The following EYA4 variants were observed in gnomAD, a reference collection of about 807,000 sequenced individuals.
The protein encoded by EYA4 is protein phosphatase EYA4.
Under a neutral mutation model 87.9 loss-of-function variants are expected in EYA4, and 31 were observed. That is an observed-to-expected ratio of 0.35 (90% CI 0.27 to 0.48). The LOEUF (loss-of-function observed/expected upper bound fraction) is 0.48. EYA4 is among the 20% of genes least tolerant of loss of function. EYA4 has a pLI of 0.99. For missense variants in EYA4, 678 were observed against 761.4 expected, an observed-to-expected ratio of 0.89 and a Z score of 1.29; for synonymous variants, 263 against 270.6, an observed-to-expected ratio of 0.97 and a Z score of 0.28.
chr6:133,389,709 TC>T (rs1421203355), intron 3 of EYA4, among the ~76,000 whole-genome samples: 2 of 152,232 alleles, frequency 1.3e-5, no homozygotes, highest in Admixed American at 1.3e-4. Context: ...AATAATTCTC[TC>T]AGTTGTCCTG....
At chr6:133,397,530 G>A (rs531726027) in intron 3 of EYA4, among the ~76,000 whole-genome samples, 5 of 152,278 alleles carry the variant, frequency 3.3e-5, no homozygotes, top group Non-Finnish European at 5.9e-5. Context: ...GAGGAATATT[G>A]GGAATAGTTG....
intron 3 of EYA4, among the ~76,000 whole-genome samples, chr6:133,401,718 G>A (rs1294197134): frequency 6.6e-6 from 1 of 152,088 alleles, no homozygotes; most frequent in Non-Finnish European, 1.5e-5. Context: ...GGCATTATGT[G>A]TACTGTTTGA....
At chr6:133,284,342 T>G (rs865895672) in intron 2 of EYA4, among the ~76,000 whole-genome samples, 1 of 152,044 alleles carries the variant, frequency 6.6e-6, no homozygotes, top group Non-Finnish European at 1.5e-5. Flanking sequence ...ACAGGATAAT[T>G]TTTGTATTTT....
At chr6:133,253,042 T>C (rs1775050027) in intron 1 of EYA4, among the ~76,000 whole-genome samples, 1 of 151,998 alleles carries the variant, frequency 6.6e-6, no homozygotes, top group South Asian at 2.1e-4. Context: ...TTGAAATGTG[T>C]GCTTAGGTGG....
intron 1 of EYA4, among the ~76,000 whole-genome samples, chr6:133,267,959 G>A (rs1776362822): frequency 6.6e-6 from 1 of 152,034 alleles, no homozygotes; most frequent in Non-Finnish European, 1.5e-5. Flanking sequence ...ACTAGCAAAT[G>A]GTTGAGGACA....
At chr6:133,483,189 T>TA in intron 13 of EYA4, 74 bp downstream of exon 13, 1 of 1,130,572 alleles carries the variant, frequency 8.8e-7, no homozygotes, top group Non-Finnish European at 1.3e-6. Context: ...AAGGGCTATT[T>TA]AAAAATTCTT....
intron 14 of EYA4, among the ~76,000 whole-genome samples, chr6:133,508,415 ACTTTTGGGGTTAGTTTTT>A (rs1798837982): frequency 6.6e-6 from 1 of 152,102 alleles, no homozygotes; most frequent in African/African-American, 2.4e-5. Flanking sequence ...TACAGCGATA[ACTTTTGGGGTTAGTTTTT>A]CTGTTGATCA....
chr6:133,416,011 G>A (rs925055899), intron 3 of EYA4, among the ~76,000 whole-genome samples: 2 of 152,190 alleles, frequency 1.3e-5, no homozygotes, highest in African/African-American at 2.4e-5. Context: ...CAGGTAAAAA[G>A]AGGTAAGGTT....
chr6:133,310,596 A>G (rs150627801), intron 2 of EYA4, among the ~76,000 whole-genome samples: 4 of 152,324 alleles, frequency 2.6e-5, no homozygotes, highest in African/African-American at 9.6e-5. Context: ...GGACTTACGA[A>G]CTTGAATATG....
rs562649122 is a variant in EYA4 at position 133,369,343 on chromosome 6, A to G, written c.34-13049A>G. Among the ~76,000 whole-genome samples, 17 of 152,152 alleles carry G rather than the reference A, an allele frequency of 1.1e-4. No individual in the cohort carries two copies. The South Asian group carries it at 2.7e-3, about 24-fold the overall frequency. On this transcript the variant is annotated intron_variant, in intron 2 of 19. Transcript: ENST00000355286. ...TCTATTCTTGTTTCATTTTCATTTC[A>G]TTAGAAATTAATATATCCCTCTCTT...
rs1043682914 is a variant in EYA4 at position 133,350,372 on chromosome 6, C to T, written c.34-32020C>T. ...GACCTAAGTGCAATAAGTACATAAACAAAATGTTCTGATAGAGAATGCTGG... is the reference window on the plus strand; with the variant it reads ...GACCTAAGTGCAATAAGTACATAAATAAAATGTTCTGATAGAGAATGCTGG... On this transcript the variant is annotated intron_variant, in intron 2 of 19. Coordinates refer to ENST00000355286, the MANE Select transcript of EYA4 (RefSeq NM_004100.5). 7.2e-5 allele frequency among the ~76,000 whole-genome samples: 11 copies of T among 152,126 alleles called. No homozygotes were observed. In the East Asian group the frequency reaches 2.1e-3, roughly 29 times the overall value.
intron 1 of EYA4, among the ~76,000 whole-genome samples, chr6:133,242,988 C>T (rs1774089032): frequency 6.6e-6 from 1 of 152,138 alleles, no homozygotes; most frequent in South Asian, 2.1e-4. Flanking sequence ...AACCTGAGGG[C>T]AGGGGAGGAA....
chr6:133,345,409 G>T (rs976755739), intron 2 of EYA4, among the ~76,000 whole-genome samples: 1 of 151,998 alleles, frequency 6.6e-6, no homozygotes, highest in Non-Finnish European at 1.5e-5. Context: ...ATATATCTTT[G>T]CATAGACATA....
chr6:133,491,212 A>G (rs888878718), intron 13 of EYA4, among the ~76,000 whole-genome samples: 10 of 152,158 alleles, frequency 6.6e-5, no homozygotes, highest in African/African-American at 2.4e-4. Flanking sequence ...TGAAAGCAGC[A>G]CTAAGAGGAA....
chr6:133,264,818 G>C (rs1021973825), intron 1 of EYA4, among the ~76,000 whole-genome samples: 1 of 151,940 alleles, frequency 6.6e-6, no homozygotes, highest in Non-Finnish European at 1.5e-5. Context: ...GACAACCTAG[G>C]TTTCTTTCTT....
intron 2 of EYA4, among the ~76,000 whole-genome samples, chr6:133,308,691 G>C (rs1332218748): frequency 6.6e-6 from 1 of 152,116 alleles, no homozygotes; most frequent in Non-Finnish European, 1.5e-5. Context: ...GTGTTAATTT[G>C]CTTAGGATTA....
intron 4 of EYA4, among the ~76,000 whole-genome samples, chr6:133,447,093 GTA>G (rs1451859346): frequency 6.6e-6 from 1 of 152,222 alleles, no homozygotes; most frequent in African/African-American, 2.4e-5. Flanking sequence ...AAAAATGTCT[GTA>G]TGTGTGTGTG....
At chr6:133,486,167 C>T (rs912215976) in intron 13 of EYA4, among the ~76,000 whole-genome samples, 1 of 151,958 alleles carries the variant, frequency 6.6e-6, no homozygotes, top group Non-Finnish European at 1.5e-5. Flanking sequence ...ACATCCTTGT[C>T]GAATTCCATG....
At chr6:133,401,366 A>G (rs1788245442) in intron 3 of EYA4, among the ~76,000 whole-genome samples, 1 of 127,662 alleles carries the variant, frequency 7.8e-6, no homozygotes, top group Non-Finnish European at 1.9e-5. Flanking sequence ...ATATTAATCT[A>G]TTGTACATTT....
Sources: allele counts gnomAD v4.1 joint callset (sites outside exome capture counted in the v4.1 genomes callset), GRCh38; gene constraint gnomAD v4.1.1; transcripts MANE v1.5; gene names NCBI Gene and HGNC (gene_info 2026-07-23, HGNC 2026-07-21).